The following CSMD1 variants were observed in gnomAD, a reference collection of about 807,000 sequenced individuals.
CSMD1 encodes CUB and Sushi multiple domains 1, also known as CUB and sushi domain-containing protein 1.
Under a neutral mutation model 417.5 loss-of-function variants are expected in CSMD1, and 213 were observed. The observed-to-expected ratio is 0.51, with a 90% CI of 0.46 to 0.57. CSMD1 has a LOEUF of 0.57. Among genes scored for constraint, CSMD1 ranks in the 20% least tolerant of loss-of-function variants. The pLI is 0.00. For synonymous variants in CSMD1, 2,862 were observed against 1,736.8 expected (o/e 1.65, Z -16.11); for missense variants, 6,923 against 4,529.7 (o/e 1.53, Z -15.17).
intron 1 of CSMD1, among the ~76,000 whole-genome samples, chr8:4,895,103 G>C (rs764742178): frequency 6.6e-6 from 1 of 152,092 alleles, no homozygotes; most frequent in Non-Finnish European, 1.5e-5. Context: ...TCAGGAACTG[G>C]TTATTAAAGA....
intron 4 of CSMD1, among the ~76,000 whole-genome samples, chr8:4,021,335 A>T (rs980383621): frequency 6.6e-6 from 1 of 152,200 alleles, no homozygotes; most frequent in African/African-American, 2.4e-5. Context: ...AGTTTATTTC[A>T]CTTGTTTCAT....
intron 1 of CSMD1, among the ~76,000 whole-genome samples, chr8:4,656,393 A>G (rs147092579): frequency 6.6e-6 from 1 of 152,026 alleles, no homozygotes; most frequent in Admixed American, 6.6e-5. Context: ...TAATCTCAGT[A>G]AAGTGGGGAC....
intron 3 of CSMD1, among the ~76,000 whole-genome samples, chr8:4,188,484 A>G (rs1195656361): frequency 9.9e-5 from 15 of 152,148 alleles, no homozygotes; most frequent in Admixed American, 9.8e-4. Flanking sequence ...TCCATCAACC[A>G]TGGTTAAACC....
intron 3 of CSMD1, among the ~76,000 whole-genome samples, chr8:4,324,007 C>A (rs896204041): frequency 6.6e-6 from 1 of 152,150 alleles, no homozygotes; most frequent in African/African-American, 2.4e-5. Context: ...CTGGGAATGG[C>A]AGGCACAGCC....
chr8:3,906,234 C>G (rs1462352744), intron 5 of CSMD1, among the ~76,000 whole-genome samples: 4 of 151,888 alleles, frequency 2.6e-5, no homozygotes, highest in African/African-American at 9.7e-5. Flanking sequence ...CCACAAAATG[C>G]CATAGCATTG....
intron 3 of CSMD1, among the ~76,000 whole-genome samples, chr8:4,102,426 G>C (rs1238079349): frequency 6.6e-6 from 1 of 152,144 alleles, no homozygotes; most frequent in Non-Finnish European, 1.5e-5. Context: ...CCCTGATTCT[G>C]TCATAATAGA....
In CSMD1 at chr8:3,365,588, C is replaced by T. The variant is rs552950159; in HGVS notation, c.3115+1444G>A. On this transcript the variant is annotated intron_variant, in intron 20 of 69. Coordinates refer to ENST00000635120, the MANE Select transcript of CSMD1 (RefSeq NM_033225.6). The stretch of plus-strand genomic sequence containing the variant: ...AACTTAAAAACACATGCAGACGAAC[C>T]ATGTCATCAAGACTTACCTTAGAAA... 1.9e-4 allele frequency among the ~76,000 whole-genome samples: 29 copies of T among 152,274 alleles called. 1 individual carries two copies. The East Asian group carries it at 3.9e-3, about 20-fold the overall frequency.
intron 3 of CSMD1, among the ~76,000 whole-genome samples, chr8:4,104,374 C>G (rs375606170): frequency 6.6e-6 from 1 of 152,194 alleles, no homozygotes; most frequent in African/African-American, 2.4e-5. Context: ...AAAAAATGCA[C>G]AGGGCAGTAC....
rs1052109911 is a variant in CSMD1 at position 2,993,421 on chromosome 8, C to A, written c.8377+4590G>T. 7.2e-5 allele frequency among the ~76,000 whole-genome samples: 11 copies of A among 152,312 alleles called. No homozygotes were observed. In the East Asian group the frequency reaches 2.1e-3, roughly 29 times the overall value. ...GCTACTGTCTGCCCCTGTCCGGCATCACTTTCCTGATCCTATTACAAAAGA... is the reference window on the plus strand; with the variant it reads ...GCTACTGTCTGCCCCTGTCCGGCATAACTTTCCTGATCCTATTACAAAAGA... On this transcript the variant is annotated intron_variant, in intron 54 of 69. Transcript: ENST00000635120.
intron 3 of CSMD1, among the ~76,000 whole-genome samples, chr8:4,345,200 C>G (rs192221617): frequency 1.3e-3 from 201 of 152,156 alleles, no homozygotes; most frequent in Non-Finnish European, 2.4e-3. Context: ...GCATTGATGA[C>G]CAACGCTAAC....
At position 3,490,390 on chromosome 8, in the gene CSMD1, C is replaced by A. The variant is rs184339079; in HGVS notation, c.1448+3233G>T. Among the ~76,000 whole-genome samples the A allele has an allele frequency of 2.0e-3, 298 of 152,244 alleles. 1 individual carries two copies. Among genetic ancestry groups the A allele is most frequent in the African/African-American group, 6.9e-3 (287 of 41,548 alleles). The stretch of plus-strand genomic sequence containing the variant: ...AAAAAATGAGTGTATGATTTTAGAT[C>A]TTTAATAATAACCTAAGGGATTTCA... On this transcript the variant is annotated intron_variant, in intron 11 of 69. Transcript: ENST00000635120.
At chr8:4,081,543 C>G (rs985756072) in intron 3 of CSMD1, among the ~76,000 whole-genome samples, 6 of 152,132 alleles carry the variant, frequency 3.9e-5, no homozygotes, top group Admixed American at 3.3e-4. Context: ...CGGAAAGGAA[C>G]CGAAGCTGTG....
chr8:3,586,282 A>AT, intron 8 of CSMD1, 22 bp from the exon 9 acceptor site: 1 of 1,550,042 alleles, frequency 6.5e-7, no homozygotes. Flanking sequence ...AAAAAGAAAA[A>AT]AAAAAACCCA....
intron 1 of CSMD1, among the ~76,000 whole-genome samples, chr8:4,925,657 C>T (rs1167433736): frequency 2.0e-5 from 3 of 152,008 alleles, no homozygotes; most frequent in Non-Finnish European, 4.4e-5. Context: ...CGCCATTCTC[C>T]TGCCTCAGCC....
intron 2 of CSMD1, among the ~76,000 whole-genome samples, chr8:4,453,845 A>T (rs1313681335): frequency 1.9e-5 from 2 of 103,588 alleles, no homozygotes; most frequent in African/African-American, 7.7e-5. Context: ...TTTTTGAGAC[A>T]GAGTCTCACT....
chr8:4,679,127 G>T (rs528596256), intron 1 of CSMD1, among the ~76,000 whole-genome samples: 1 of 152,094 alleles, frequency 6.6e-6, no homozygotes, highest in African/African-American at 2.4e-5. Flanking sequence ...TTCTGTCAAT[G>T]TACTTTCCCT....
In CSMD1 at chr8:3,439,281, G is replaced by GTGTGTGTATATATATATATATA. The variant is rs1407744154; in HGVS notation, c.1561+29430_1561+29431insTATATATATATATATACACACA. Among the ~76,000 whole-genome samples, 4 of 54,334 alleles carry GTGTGTGTATATATATATATATA rather than the reference G, an allele frequency of 7.4e-5. 1 individual carries two copies. Among genetic ancestry groups the GTGTGTGTATATATATATATATA allele is most frequent in the Non-Finnish European group, 1.3e-4 (4 of 30,744 alleles). 35.6% of individuals were successfully genotyped at this position (54,334 alleles called of 152,430 possible). Reference sequence around the variant, plus strand: ...TATTTGAGAGCATTTGGCAATGTCAGTATATATATATATATATATATATAT... The same window carrying GTGTGTGTATATATATATATATA: ...TATTTGAGAGCATTTGGCAATGTCAGTGTGTGTATATATATATATATATATATATATATATATATATATATAT... On this transcript the variant is annotated intron_variant, in intron 12 of 69. Transcript: ENST00000635120.
At chr8:3,679,341 T>C (rs113170674) in intron 7 of CSMD1, among the ~76,000 whole-genome samples, 22,412 of 152,004 alleles carry the variant, frequency 0.15, 1,850 homozygotes, top group South Asian at 0.22. Flanking sequence ...TGGAGGAAGA[T>C]CTACCAAGCA....
intron 3 of CSMD1, among the ~76,000 whole-genome samples, chr8:4,236,766 A>G (rs1802090740): frequency 6.6e-6 from 1 of 152,176 alleles, no homozygotes; most frequent in Non-Finnish European, 1.5e-5. Context: ...ATCTCAATAC[A>G]TTTTACAAGG....
Sources: gnomAD v4.1 joint callset for allele counts (sites outside exome capture counted in the v4.1 genomes callset) on GRCh38, gnomAD v4.1.1 for gene constraint, MANE v1.5 for transcripts, NCBI Gene and HGNC (gene_info 2026-07-23, HGNC 2026-07-21) for gene names.